The following SNTG2 variants were observed in gnomAD, a reference collection of about 807,000 sequenced individuals.
The protein encoded by SNTG2 is syntrophin gamma 2, also known as gamma-2-syntrophin.
Under a neutral mutation model 70.9 loss-of-function variants are expected in SNTG2, and 74 were observed. That is an observed-to-expected ratio of 1.04 (90% CI 0.86 to 1.27). The LOEUF (loss-of-function observed/expected upper bound fraction) is 1.27. Ranked by LOEUF, SNTG2 falls within the 50% of genes most tolerant of loss-of-function variation. SNTG2 has a pLI of 0.00. For missense variants in SNTG2, 717 were observed against 690.7 expected, an observed-to-expected ratio of 1.04 and a Z score of -0.43; for synonymous variants, 278 against 273.8, an observed-to-expected ratio of 1.02 and a Z score of -0.15.
chr2:1,136,400 C>T (rs1318157005), intron 4 of SNTG2, among the ~76,000 whole-genome samples: 1 of 151,432 alleles, frequency 6.6e-6, no homozygotes, highest in Non-Finnish European at 1.5e-5. Context: ...GGGAGAAGAG[C>T]TGCCACCAAT....
intron 11 of SNTG2, 30 bp downstream of exon 11, chr2:1,239,806 T>C (rs1676932907): frequency 1.2e-6 from 2 of 1,608,078 alleles, no homozygotes; most frequent in Non-Finnish European, 1.7e-6. Flanking sequence ...CTTCATGATG[T>C]AACACATCAG....
chr2:972,589 C>A (rs1660779064), intron 1 of SNTG2, among the ~76,000 whole-genome samples: 1 of 152,124 alleles, frequency 6.6e-6, no homozygotes, highest in African/African-American at 2.4e-5. Flanking sequence ...CATGTCGGAT[C>A]ATCATCATAA....
intron 1 of SNTG2, among the ~76,000 whole-genome samples, chr2:1,077,685 G>T (rs140217239): frequency 6.6e-6 from 1 of 151,948 alleles, no homozygotes; most frequent in East Asian, 1.9e-4. Flanking sequence ...ACACATCCCC[G>T]CACACAAACA....
intron 4 of SNTG2, among the ~76,000 whole-genome samples, chr2:1,105,997 T>C (rs1010092769): frequency 6.6e-6 from 1 of 151,954 alleles, no homozygotes; most frequent in African/African-American, 2.4e-5. Flanking sequence ...GTGCAGGGTA[T>C]GGAGAGCTCC....
intron 1 of SNTG2, 122 bp from the exon 2 acceptor site, chr2:1,083,396 G>A (rs1315357722): frequency 7.8e-6 from 7 of 898,580 alleles, no homozygotes; most frequent in Middle Eastern, 2.3e-4. Flanking sequence ...ACAGATCTGT[G>A]CACACGCGAG....
Position 981,984 on chromosome 2 carries a change from G to T in SNTG2, c.72+30916G>T, listed in dbSNP as rs149542588. 2.8e-3 allele frequency among the ~76,000 whole-genome samples: 430 copies of T among 152,070 alleles called. 2 individuals are homozygous for T. The highest frequency in any genetic ancestry group is 0.01 in the African/African-American group (415 of 41,466). ...GATGTACACAGATGCACACTCACAT[G>T]CACTTGTGCACACACGTGTCCACAC... On this transcript the variant is annotated intron_variant, in intron 1 of 16. Transcript: ENST00000308624.
chr2:1,031,250 G>A (rs80104701), intron 1 of SNTG2, among the ~76,000 whole-genome samples: 1 of 151,986 alleles, frequency 6.6e-6, no homozygotes, highest in East Asian at 1.9e-4. Context: ...GGGTTGAGTT[G>A]TTGAGTTACA....
intron 1 of SNTG2, among the ~76,000 whole-genome samples, chr2:1,037,002 C>T (rs561873483): frequency 5.9e-5 from 9 of 152,300 alleles, no homozygotes; most frequent in East Asian, 1.9e-4. Flanking sequence ...GGGGTGGACT[C>T]AGCTCCCAGG....
At chr2:1,200,976 A>G (rs948867450) in intron 8 of SNTG2, among the ~76,000 whole-genome samples, 1 of 152,048 alleles carries the variant, frequency 6.6e-6, no homozygotes, top group African/African-American at 2.4e-5. Context: ...ACCACTCTGG[A>G]AAACAGTATG....
At chr2:997,742 G>T (rs376127158) in intron 1 of SNTG2, among the ~76,000 whole-genome samples, 1 of 152,176 alleles carries the variant, frequency 6.6e-6, no homozygotes, top group Non-Finnish European at 1.5e-5. Flanking sequence ...CCAGGCCACC[G>T]GGCATTCCAG....
chr2:1,063,386 C>T (rs1662947899), intron 1 of SNTG2, among the ~76,000 whole-genome samples: 1 of 152,130 alleles, frequency 6.6e-6, no homozygotes, highest in African/African-American at 2.4e-5. Context: ...TTCAAAGAAG[C>T]AGGAGGCATT....
intron 2 of SNTG2, among the ~76,000 whole-genome samples, chr2:1,086,514 T>C (rs949757299): frequency 8.5e-5 from 13 of 152,202 alleles, no homozygotes; most frequent in Non-Finnish European, 1.6e-4. Context: ...ATTTATGACA[T>C]AGAAACCACC....
chr2:1,269,936 T>A (rs1269635536), intron 14 of SNTG2, among the ~76,000 whole-genome samples: 1 of 152,120 alleles, frequency 6.6e-6, no homozygotes, highest in East Asian at 1.9e-4. Context: ...GTGGGGGCCG[T>A]GATGACCACT....
At chr2:1,350,301 G>C (rs1421611759) in intron 16 of SNTG2, among the ~76,000 whole-genome samples, 1 of 152,178 alleles carries the variant, frequency 6.6e-6, no homozygotes, top group African/African-American at 2.4e-5. Context: ...TTCCTGCTGG[G>C]CTTTGGTCGA....
At chr2:1,184,074 TG>T (rs1672099423) in intron 8 of SNTG2, among the ~76,000 whole-genome samples, 2 of 152,144 alleles carry the variant, frequency 1.3e-5, no homozygotes, top group African/African-American at 4.8e-5. Flanking sequence ...TCAAGGATTG[TG>T]GGGGCCACCC....
intron 1 of SNTG2, among the ~76,000 whole-genome samples, chr2:1,030,872 C>T (rs572748065): frequency 7.2e-5 from 11 of 152,310 alleles, no homozygotes; most frequent in African/African-American, 1.9e-4. Context: ...GATGACTATT[C>T]GTGTGACCCC....
rs184304741 is a variant in SNTG2 at position 1,207,258 on chromosome 2, A to G, written c.592-1845A>G. 1.6e-3 allele frequency among the ~76,000 whole-genome samples: 245 copies of G among 152,380 alleles called. 3 individuals are homozygous for G. The highest frequency in any genetic ancestry group is 0.014 in the Admixed American group (207 of 15,306). On this transcript the variant is annotated intron_variant, in intron 8 of 16. Transcript: ENST00000308624. ...ATCTCTTACCAGAAGTTAGAGCCCAACAGAAAAGGGTAACCATGAATGAAT... is the reference window on the plus strand; with the variant it reads ...ATCTCTTACCAGAAGTTAGAGCCCAGCAGAAAAGGGTAACCATGAATGAAT...
chr2:1,146,626 A>C (rs1369113516), intron 6 of SNTG2, among the ~76,000 whole-genome samples: 1 of 152,228 alleles, frequency 6.6e-6, no homozygotes, highest in African/African-American at 2.4e-5. Flanking sequence ...GAGGCTTGAC[A>C]CTTCCTGATT....
At chr2:1,209,304 G>A in intron 9 of SNTG2, 74 bp downstream of exon 9, 1 of 1,588,874 alleles carries the variant, frequency 6.3e-7, no homozygotes, top group Non-Finnish European at 8.6e-7. Context: ...CAGGCCGCTG[G>A]TTACTCCAGA....
Sources: allele counts gnomAD v4.1 joint callset (sites outside exome capture counted in the v4.1 genomes callset), GRCh38; gene constraint gnomAD v4.1.1; transcripts MANE v1.5; gene names NCBI Gene and HGNC (gene_info 2026-07-23, HGNC 2026-07-21).